AP4S1: variants seen among roughly 807,000 people sequenced by gnomAD.
AP4S1 encodes AP-4 complex subunit sigma-1.
AP4S1 carries 23 observed loss-of-function variants against 19.8 expected under a neutral mutation model. The ratio of observed to expected loss-of-function variants is 1.16; its 90% CI spans 0.84 to 1.65. AP4S1 has a LOEUF of 1.65. Ranked by LOEUF, AP4S1 falls within the 40% of genes most tolerant of loss-of-function variation. The probability of loss-of-function intolerance (pLI) is 0.00; values close to 1 mark genes in which losing one functional copy is unlikely to be tolerated. For missense variants in AP4S1, 166 were observed against 172.8 expected, an observed-to-expected ratio of 0.96 and a Z score of 0.22; for synonymous variants, 46 against 54.1, an observed-to-expected ratio of 0.85 and a Z score of 0.66.
At chr14:31,068,405 T>G (rs1018640602) in intron 2 of AP4S1, among the ~76,000 whole-genome samples, 12 of 152,258 alleles carry the variant, frequency 7.9e-5, no homozygotes, top group African/African-American at 2.9e-4. Flanking sequence ...GGTACAAATG[T>G]GTCTCCCTTG....
At chr14:31,035,667 A>G (rs1344395009) in intron 1 of AP4S1, among the ~76,000 whole-genome samples, 4 of 130,644 alleles carry the variant, frequency 3.1e-5, no homozygotes, top group East Asian at 4.4e-4. Context: ...GTGCGTTTCT[A>G]TGACCCCCCT....
At chr14:31,067,876 A>ATT (rs111376966) in intron 2 of AP4S1, among the ~76,000 whole-genome samples, 9 of 139,798 alleles carry the variant, frequency 6.4e-5, no homozygotes, top group East Asian at 2.1e-4. Context: ...TGAACACAAT[A>ATT]TTTTTTTTTT....
chr14:31,041,502 A>G (rs1285398742), intron 1 of AP4S1, among the ~76,000 whole-genome samples: 2 of 152,230 alleles, frequency 1.3e-5, no homozygotes, highest in Non-Finnish European at 2.9e-5. Context: ...TTTATTAGAA[A>G]TGGGAAGTAA....
intron 5 of AP4S1, chr14:31,085,487 C>T (rs1256877609): frequency 1.0e-6 from 1 of 986,042 alleles, no homozygotes; most frequent in African/African-American, 1.7e-5. Flanking sequence ...TTAAAGACAT[C>T]TTTAGACCGG....
chr14:31,034,975 CA>C (rs1884640729), intron 1 of AP4S1, among the ~76,000 whole-genome samples: 1 of 151,988 alleles, frequency 6.6e-6, no homozygotes, highest in Non-Finnish European at 1.5e-5. Context: ...AAAACAACAA[CA>C]AAAATCTGAT....
intron 1 of AP4S1, among the ~76,000 whole-genome samples, chr14:31,054,567 A>T (rs1392674898): frequency 6.6e-6 from 1 of 152,124 alleles, no homozygotes; most frequent in Non-Finnish European, 1.5e-5. Context: ...CTGTAGTCCC[A>T]GCTACTTGGG....
chr14:31,040,902 G>T lies in AP4S1; in HGVS notation c.-72+15115G>T, dbSNP rs145009035. 2.0e-5 allele frequency among the ~76,000 whole-genome samples: 3 copies of T among 151,564 alleles called. No homozygotes were observed. The East Asian group carries it at 6.0e-4, about 30-fold the overall frequency. ...GATGTACATAACATGGTGAAACCCC[G>T]TCTCTACTAAAAATACAAAAAATTA... On this transcript the variant is annotated intron_variant, in intron 1 of 5. Coordinates refer to ENST00000542754, the MANE Select transcript of AP4S1 (RefSeq NM_001128126.3).
At chr14:31,046,542 A>G (rs1885414716) in intron 1 of AP4S1, among the ~76,000 whole-genome samples, 2 of 152,112 alleles carry the variant, frequency 1.3e-5, no homozygotes, top group Non-Finnish European at 2.9e-5. Context: ...TCTCTTGGGT[A>G]TATACTTAGA....
At position 31,066,154 on chromosome 14, in the gene AP4S1, A is replaced by G. The variant is rs1292092603; in HGVS notation, c.-43A>G. The G allele has an allele frequency of 1.2e-6, 2 of 1,605,286 alleles. No homozygotes were observed. The highest frequency in any genetic ancestry group is 2.2e-5 in the East Asian group (1 of 44,788). ...CCAGTTACAGCCATCCCTTGTCATA[A>G]CTTTTGAACTGTATTTGGAAAAATA... On this transcript the variant is annotated 5_prime_UTR_variant, in exon 2 of 6. Transcript: ENST00000542754.
At chr14:31,056,172 A>C (rs1349237871) in intron 1 of AP4S1, among the ~76,000 whole-genome samples, 1 of 143,362 alleles carries the variant, frequency 7.0e-6, no homozygotes, top group Non-Finnish European at 1.5e-5. Context: ...AAATCTACAT[A>C]CTCTACTTTT....
At chr14:31,059,207 G>C (rs1159596932) in intron 1 of AP4S1, among the ~76,000 whole-genome samples, 1 of 152,162 alleles carries the variant, frequency 6.6e-6, no homozygotes, top group Non-Finnish European at 1.5e-5. Context: ...TTAAGAGCAT[G>C]CAAGAAAAGA....
rs549204421 is a variant in AP4S1 at position 31,080,505 on chromosome 14, G to C, written c.295-68G>C. 100 of 1,354,114 alleles carry C rather than the reference G, an allele frequency of 7.4e-5. No individual in the cohort carries two copies. In the East Asian group the frequency reaches 1.1e-3, roughly 15 times the overall value. The allele number at this position is 1,354,114 out of a possible 1,614,324, so 83.9% of individuals were successfully genotyped here. On this transcript the variant is annotated intron_variant, in intron 4 of 5. Coordinates refer to ENST00000542754, the MANE Select transcript of AP4S1 (RefSeq NM_001128126.3). The stretch of plus-strand genomic sequence containing the variant: ...ATGGACGCAGAAGCCTCTTCAGTCT[G>C]ACTCTGCTAAGAGCAGTGGTCCCCA...
intron 5 of AP4S1, among the ~76,000 whole-genome samples, chr14:31,081,582 T>TA (rs1471356044): frequency 9.9e-5 from 15 of 152,216 alleles, no homozygotes; most frequent in African/African-American, 3.1e-4. Context: ...AAAATCTACC[T>TA]ACCACTTGAG....
At chr14:31,079,895 A>G (rs1345810805) in intron 4 of AP4S1, among the ~76,000 whole-genome samples, 1 of 79,368 alleles carries the variant, frequency 1.3e-5, no homozygotes, top group African/African-American at 4.0e-5. Context: ...CAGTAAGCCC[A>G]TCAGTTACTG....
At chr14:31,048,306 T>C (rs1885539196) in intron 1 of AP4S1, among the ~76,000 whole-genome samples, 1 of 151,884 alleles carries the variant, frequency 6.6e-6, no homozygotes, top group Non-Finnish European at 1.5e-5. Context: ...CCCACCCTGT[T>C]GGCCAGGCTG....
chr14:31,058,193 G>A (rs1161232582), intron 1 of AP4S1, among the ~76,000 whole-genome samples: 1 of 152,032 alleles, frequency 6.6e-6, no homozygotes, highest in East Asian at 1.9e-4. Context: ...GCCTCGCAAA[G>A]TGCTGGGATT....
Position 31,072,899 on chromosome 14 carries a change from T to C in AP4S1, c.226-6T>C. On this transcript the variant is annotated splice_polypyrimidine_tract_variant and splice_region_variant and intron_variant, in intron 3 of 5. Coordinates refer to ENST00000542754, the MANE Select transcript of AP4S1 (RefSeq NM_001128126.3). The stretch of plus-strand genomic sequence containing the variant: ...AATTGATTGTACCTTTCTTCTTTTA[T>C]TGTAGAACGAGATGGCTATTTATGA... The C allele has an allele frequency of 6.2e-7, 1 of 1,609,564 alleles. No homozygotes were observed. Among genetic ancestry groups the C allele is most frequent in the Non-Finnish European group, 8.5e-7 (1 of 1,175,938 alleles).
intron 5 of AP4S1, 105 bp downstream of exon 5, chr14:31,080,689 G>A (rs1036102644): frequency 2.0e-6 from 3 of 1,510,982 alleles, no homozygotes; most frequent in African/African-American, 1.4e-5. Flanking sequence ...AGTCCAGAGT[G>A]TTCATCACCA....
intron 2 of AP4S1, 58 bp from the exon 3 acceptor site, chr14:31,069,785 C>A: frequency 7.7e-7 from 1 of 1,305,416 alleles, no homozygotes; most frequent in Non-Finnish European, 1.1e-6. Flanking sequence ...TTACGCATGT[C>A]ATTTTAAAGA....
Sources: gnomAD v4.1 joint callset for allele counts (sites outside exome capture counted in the v4.1 genomes callset) on GRCh38, gnomAD v4.1.1 for gene constraint, MANE v1.5 for transcripts, NCBI Gene and HGNC (gene_info 2026-07-23, HGNC 2026-07-21) for gene names.